FGF14: variants seen among roughly 807,000 people sequenced by gnomAD.
FGF14 encodes the protein fibroblast growth factor homologous factor 4.
FGF14 carries 5 observed loss-of-function variants against 25.5 expected under a neutral mutation model. That is an observed-to-expected ratio of 0.20 (90% CI 0.10 to 0.41). FGF14 has a LOEUF of 0.41. Among genes scored for constraint, FGF14 ranks in the 10% least tolerant of loss-of-function variants. The pLI is 1.00. For synonymous variants in FGF14, 138 were observed against 118.3 expected (o/e 1.17, Z -1.08); for missense variants, 222 against 320.1 (o/e 0.69, Z 2.34).
Position 101,716,033 on chromosome 13 carries a change from G to C in FGF14, c.*6798C>G, listed in dbSNP as rs550044491. 2 of 164,994 alleles carry C rather than the reference G, an allele frequency of 1.2e-5. No individual in the cohort carries two copies. The highest frequency in any genetic ancestry group is 2.6e-5 in the Non-Finnish European group (2 of 76,168). The allele number at this position is 164,994 out of a possible 1,614,324, so 10.2% of individuals were successfully genotyped here. ...CTGCTGAGCATCCCGCAGTGTACAG[G>C]ACAGCCCCCAAACAAGGAATTATCC... On this transcript the variant is annotated 3_prime_UTR_variant, in exon 5 of 5. Transcript: ENST00000376143.
At chr13:101,872,407 T>C (rs1328667889) in intron 2 of FGF14, among the ~76,000 whole-genome samples, 1 of 151,848 alleles carries the variant, frequency 6.6e-6, no homozygotes, top group Non-Finnish European at 1.5e-5. Flanking sequence ...GATTATTACA[T>C]CACCTCTGTC....
chr13:102,236,107 C>G (rs2183290), intron 1 of FGF14, among the ~76,000 whole-genome samples: 93,113 of 152,090 alleles, frequency 0.61, 28,872 homozygotes, highest in Middle Eastern at 0.71. Flanking sequence ...TTGTCTTATA[C>G]GTAAACAAGC....
chr13:102,090,186 A>G (rs2044103509), intron 1 of FGF14, among the ~76,000 whole-genome samples: 2 of 152,252 alleles, frequency 1.3e-5, no homozygotes, highest in African/African-American at 4.8e-5. Context: ...TATACAACGT[A>G]TATTTACTGA....
chr13:102,307,224 C>A (rs1168448442), intron 1 of FGF14, among the ~76,000 whole-genome samples: 1 of 152,156 alleles, frequency 6.6e-6, no homozygotes, highest in Non-Finnish European at 1.5e-5. Context: ...TGGAACCTAA[C>A]TTTTCCAACA....
intron 1 of FGF14, among the ~76,000 whole-genome samples, chr13:102,164,028 T>G (rs1320713515): frequency 1.3e-5 from 2 of 152,160 alleles, no homozygotes; most frequent in Non-Finnish European, 2.9e-5. Flanking sequence ...ATGTCCTTTC[T>G]CCCTGTTGAC....
chr13:102,100,476 C>T (rs1197948851), intron 1 of FGF14, among the ~76,000 whole-genome samples: 5 of 152,304 alleles, frequency 3.3e-5, no homozygotes, highest in African/African-American at 7.2e-5. Context: ...GCTTCCGGAC[C>T]GCTTGTCCAG....
intron 1 of FGF14, among the ~76,000 whole-genome samples, chr13:102,014,697 G>A (rs2139822036): frequency 6.6e-6 from 1 of 152,156 alleles, no homozygotes; most frequent in Non-Finnish European, 1.5e-5. Flanking sequence ...CTACTCCACA[G>A]TCACTTATTT....
intron 1 of FGF14, among the ~76,000 whole-genome samples, chr13:102,101,131 A>G (rs954171212): frequency 6.6e-6 from 1 of 151,978 alleles, no homozygotes; most frequent in Non-Finnish European, 1.5e-5. Flanking sequence ...AAAAAGGTAA[A>G]GTGACTTGCC....
chr13:102,183,552 A>G, intron 1 of FGF14, among the ~76,000 whole-genome samples: 1 of 152,192 alleles, frequency 6.6e-6, no homozygotes, highest in South Asian at 2.1e-4. Context: ...AGTGTCTACC[A>G]TACGCTGGGA....
intron 1 of FGF14, among the ~76,000 whole-genome samples, chr13:101,982,728 G>C (rs1277684390): frequency 1.3e-5 from 2 of 152,176 alleles, no homozygotes; most frequent in Non-Finnish European, 2.9e-5. Flanking sequence ...GAAGATAGTT[G>C]ACCTCTCTGT....
intron 1 of FGF14, among the ~76,000 whole-genome samples, chr13:102,352,744 G>A (rs1488524116): frequency 1.3e-5 from 2 of 151,104 alleles, no homozygotes. Context: ...CCCAGGAGGC[G>A]GAGCTTGCAG....
intron 3 of FGF14, among the ~76,000 whole-genome samples, chr13:101,849,088 T>G (rs1252760184): frequency 6.6e-6 from 1 of 152,092 alleles, no homozygotes; most frequent in African/African-American, 2.4e-5. Context: ...AGGACATTTT[T>G]GTAGTGCTGA....
At chr13:102,134,223 A>C (rs960149055) in intron 1 of FGF14, among the ~76,000 whole-genome samples, 2 of 152,142 alleles carry the variant, frequency 1.3e-5, no homozygotes, top group African/African-American at 4.8e-5. Flanking sequence ...GTGAGAGAGA[A>C]GTGTGTTCAG....
intron 1 of FGF14, among the ~76,000 whole-genome samples, chr13:101,977,770 C>T (rs2038015833): frequency 1.3e-5 from 2 of 152,048 alleles, no homozygotes. Context: ...CATCTTAGAA[C>T]CACTGAATCA....
intron 1 of FGF14, chr13:102,263,156 G>A (rs1594631098): frequency 3.4e-6 from 2 of 588,960 alleles, no homozygotes; most frequent in East Asian, 8.3e-5. Flanking sequence ...TTGTTTCTTG[G>A]CCAGGAATCC....
chr13:101,991,366 T>C (rs2038893406), intron 1 of FGF14, among the ~76,000 whole-genome samples: 1 of 151,964 alleles, frequency 6.6e-6, no homozygotes, highest in Non-Finnish European at 1.5e-5. Flanking sequence ...AATGACTTTT[T>C]AAAAAAAAGT....
At chr13:101,905,099 T>C (rs1000861946) in intron 1 of FGF14, among the ~76,000 whole-genome samples, 32 of 152,170 alleles carry the variant, frequency 2.1e-4, no homozygotes, top group African/African-American at 7.5e-4. Flanking sequence ...AAAACTATTG[T>C]CCCATGCATT....
intron 1 of FGF14, among the ~76,000 whole-genome samples, chr13:102,344,795 G>T (rs2057054425): frequency 6.6e-6 from 1 of 152,202 alleles, no homozygotes; most frequent in Non-Finnish European, 1.5e-5. Flanking sequence ...GTGTGTCCAG[G>T]TAAAGAAAGG....
At chr13:102,024,702 T>A (rs2040837421) in intron 1 of FGF14, among the ~76,000 whole-genome samples, 1 of 151,984 alleles carries the variant, frequency 6.6e-6, no homozygotes, top group African/African-American at 2.4e-5. Context: ...CTATCATGAA[T>A]ATGTACACCA....
Sources: gnomAD v4.1 joint callset for allele counts (sites outside exome capture counted in the v4.1 genomes callset) on GRCh38, gnomAD v4.1.1 for gene constraint, MANE v1.5 for transcripts, NCBI Gene and HGNC (gene_info 2026-07-23, HGNC 2026-07-21) for gene names.